The following ARHGAP10 variants were observed in gnomAD, a reference collection of about 807,000 sequenced individuals.
The protein encoded by ARHGAP10 is Rho GTPase activating protein 10, also known as rho GTPase-activating protein 10.
Under a neutral mutation model 108.6 loss-of-function variants are expected in ARHGAP10, and 87 were observed. That is an observed-to-expected ratio of 0.80 (90% confidence interval 0.67 to 0.96). The LOEUF (loss-of-function observed/expected upper bound fraction) is 0.96, where lower values mean the gene tolerates loss of function less well. Among genes scored for constraint, ARHGAP10 ranks in the 40% least tolerant of loss-of-function variants. ARHGAP10 has a pLI of 0.00. For missense variants in ARHGAP10, 939 were observed against 954.5 expected, an observed-to-expected ratio of 0.98 and a Z score of 0.21; for synonymous variants, 347 against 341.1, an observed-to-expected ratio of 1.02 and a Z score of -0.19.
Position 147,966,783 on chromosome 4 carries a change from A to G in ARHGAP10, c.1660A>G (p.Met554Val), listed in dbSNP as rs1739219463. The G allele has an allele frequency of 1.2e-6, 2 of 1,602,814 alleles. No homozygotes were observed. Among genetic ancestry groups the G allele is most frequent in the Non-Finnish European group, 1.7e-6 (2 of 1,172,232 alleles). ...RPQEETVAAL[M>V]DLKFQNIVVE... The stretch of plus-strand genomic sequence containing the variant: ...ACAGGAAGAAACTGTCGCTGCCCTC[A>G]TGGACTTGAAGTTTCAGAATATTGT... The change falls in exon 18 of 23, where the codon ATG becomes GTG. Residue 554 changes from methionine (M) to valine (V), a missense_variant. Transcript: ENST00000336498.
chr4:147,939,881 CT>C lies in ARHGAP10; in HGVS notation c.1287del (p.Leu430Ter). 1 of 1,613,894 alleles carries C rather than the reference CT, an allele frequency of 6.2e-7. No individual in the cohort carries two copies. The highest frequency in any genetic ancestry group is 1.1e-5 in the South Asian group (1 of 91,060). ...GGGGGTGAGTTCAAAGGTCCAGAGA[CT>C]TCTGAGTATGTTGATGGGTATGCCT... ...VVGVSSKVQRLLSMLMDVKTC... is the reference protein window; with the variant it reads ...VVGVSSKVQRXLSMLMDVKTC... On this transcript the variant is annotated frameshift_variant, in exon 14 of 23. Coordinates refer to ENST00000336498, the MANE Select transcript of ARHGAP10 (RefSeq NM_024605.4). LOFTEE classifies it high-confidence loss of function.
chr4:147,970,523 G>A (rs529042993), intron 18 of ARHGAP10, among the ~76,000 whole-genome samples: 2 of 152,240 alleles, frequency 1.3e-5, no homozygotes, highest in South Asian at 2.1e-4. Flanking sequence ...GAAAAATGGC[G>A]AGAAGGAAGT....
rs771238257 is a variant in ARHGAP10 at position 148,047,087 on chromosome 4, G to A, written c.2027+36G>A. 5 of 1,607,214 alleles carry A rather than the reference G, an allele frequency of 3.1e-6. No individual in the cohort carries two copies. The South Asian group carries it at 5.5e-5, about 18-fold the overall frequency. On this transcript the variant is annotated intron_variant, in intron 20 of 22. Coordinates refer to ENST00000336498, the MANE Select transcript of ARHGAP10 (RefSeq NM_024605.4). ...GTGCTTCTGTTGGGTGCTGAAGGGT[G>A]GAAGCCCTGACTTTGTTCATTTTAA...
intron 18 of ARHGAP10, among the ~76,000 whole-genome samples, chr4:148,001,635 T>G (rs1740722851): frequency 1.3e-5 from 1 of 77,922 alleles, no homozygotes; most frequent in Non-Finnish European, 2.9e-5. Flanking sequence ...TTCACATCCC[T>G]TGTAAGTTGG....
chr4:148,038,026 T>TC (rs1389736606), intron 19 of ARHGAP10, among the ~76,000 whole-genome samples: 1 of 152,120 alleles, frequency 6.6e-6, no homozygotes, highest in African/African-American at 2.4e-5. Context: ...CAACATCAAG[T>TC]CCAAAAACAT....
intron 18 of ARHGAP10, among the ~76,000 whole-genome samples, chr4:147,988,012 A>G (rs1287161789): frequency 3.3e-5 from 5 of 152,224 alleles, no homozygotes; most frequent in Admixed American, 6.5e-5. Flanking sequence ...ACAGAGTGTG[A>G]GGCACTTGCA....
chr4:147,831,697 G>A (rs186639643), intron 3 of ARHGAP10, among the ~76,000 whole-genome samples: 7 of 152,198 alleles, frequency 4.6e-5, no homozygotes, highest in East Asian at 1.9e-4. Flanking sequence ...TCTTTTTCCC[G>A]TAAGCCTGTT....
chr4:147,732,742 C>A (rs1268831191), intron 1 of ARHGAP10, among the ~76,000 whole-genome samples: 1 of 152,178 alleles, frequency 6.6e-6, no homozygotes. Context: ...GAACACCCCT[C>A]GCTGAATGCG....
chr4:148,061,772 C>G (rs1028875534), intron 20 of ARHGAP10, among the ~76,000 whole-genome samples: 3 of 152,148 alleles, frequency 2.0e-5, no homozygotes, highest in Non-Finnish European at 4.4e-5. Context: ...GCTGATGGCT[C>G]CATGTCCCCG....
chr4:147,824,301 A>T (rs987045304), intron 3 of ARHGAP10, among the ~76,000 whole-genome samples: 1 of 151,668 alleles, frequency 6.6e-6, no homozygotes, highest in Non-Finnish European at 1.5e-5. Flanking sequence ...CAAACTTGGC[A>T]ACAGAGTGGG....
intron 1 of ARHGAP10, among the ~76,000 whole-genome samples, chr4:147,741,038 T>C (rs1728635590): frequency 6.6e-6 from 1 of 152,234 alleles, no homozygotes; most frequent in South Asian, 2.1e-4. Context: ...CCTCTGAATA[T>C]ATTTGTGAGA....
chr4:147,772,154 C>T (rs191117379), intron 1 of ARHGAP10, among the ~76,000 whole-genome samples: 11 of 152,204 alleles, frequency 7.2e-5, no homozygotes, highest in Non-Finnish European at 8.8e-5. Flanking sequence ...TACTTCTGCT[C>T]TCTGCGCACT....
intron 7 of ARHGAP10, 25 bp from the exon 8 acceptor site, chr4:147,874,996 A>T: frequency 5.2e-6 from 8 of 1,553,272 alleles, no homozygotes; most frequent in Non-Finnish European, 6.9e-6. Flanking sequence ...CTTAACATTT[A>T]TGTGTGTTTT....
intron 1 of ARHGAP10, among the ~76,000 whole-genome samples, chr4:147,797,942 C>T (rs1310595614): frequency 6.6e-6 from 1 of 152,122 alleles, no homozygotes; most frequent in East Asian, 1.9e-4. Flanking sequence ...TCCCTCTCCT[C>T]TTTGTCCTGT....
chr4:147,853,656 T>C (rs1470803561), intron 4 of ARHGAP10, among the ~76,000 whole-genome samples: 1 of 152,238 alleles, frequency 6.6e-6, no homozygotes, highest in African/African-American at 2.4e-5. Context: ...GAATATATTT[T>C]GTGTTACAAA....
At chr4:147,929,567 TTATAAA>T (rs1664808634) in intron 13 of ARHGAP10, among the ~76,000 whole-genome samples, 1 of 152,194 alleles carries the variant, frequency 6.6e-6, no homozygotes, top group Non-Finnish European at 1.5e-5. Flanking sequence ...TGAGGACTAG[TTATAAA>T]TATATGTAAG....
chr4:147,742,480 T>TA lies in ARHGAP10; in HGVS notation c.154+10025_154+10026insA, dbSNP rs201087083. ...AGGAGAAATAGTCTGTGAACACTTT[T>TA]TTTTTTTTTTTTTTTTTTTTGAGAT... On this transcript the variant is annotated intron_variant, in intron 1 of 22. Transcript: ENST00000336498. 8.0e-3 allele frequency among the ~76,000 whole-genome samples: 1,090 copies of TA among 136,580 alleles called. 10 individuals carry two copies. Among genetic ancestry groups the TA allele is most frequent in the African/African-American group, 0.028 (1,039 of 37,266 alleles). The allele number at this position is 136,580 out of a possible 152,430, so 89.6% of individuals were successfully genotyped here.
chr4:147,833,408 G>T (rs1169318291), intron 3 of ARHGAP10, among the ~76,000 whole-genome samples: 4 of 152,162 alleles, frequency 2.6e-5, no homozygotes, highest in African/African-American at 9.7e-5. Flanking sequence ...CTTGTGCCAA[G>T]ATTGTAAGTT....
intron 3 of ARHGAP10, among the ~76,000 whole-genome samples, chr4:147,835,083 T>C (rs1207658473): frequency 6.6e-6 from 1 of 152,184 alleles, no homozygotes; most frequent in South Asian, 2.1e-4. Flanking sequence ...TATCTAAATT[T>C]ATAGGAGAAT....
Sources: gnomAD v4.1 joint callset for allele counts (sites outside exome capture counted in the v4.1 genomes callset) on GRCh38, gnomAD v4.1.1 for gene constraint, MANE v1.5 for transcripts, NCBI Gene and HGNC (gene_info 2026-07-23, HGNC 2026-07-21) for gene names.